Variants in WDR43 observed in about 807,000 individuals in gnomAD.
The protein encoded by WDR43 is WD repeat-containing protein 43.
Under a neutral mutation model 91.4 loss-of-function variants are expected in WDR43, and 13 were observed. The ratio of observed to expected loss-of-function variants is 0.14; its 90% confidence interval spans 0.09 to 0.23. WDR43 has a LOEUF of 0.23. WDR43 is among the 10% of genes least tolerant of loss of function. WDR43 has a pLI of 1.00. For synonymous variants in WDR43, 331 were observed against 287.9 expected, an observed-to-expected ratio of 1.15 and a Z score of -1.51; for missense variants, 780 against 809.4, an observed-to-expected ratio of 0.96 and a Z score of 0.44.
chr2:28,935,757 A>G (rs1411547049), intron 12 of WDR43, 150 bp downstream of exon 12: 1 of 411,368 alleles, frequency 2.4e-6, no homozygotes, highest in Non-Finnish European at 4.2e-6. Flanking sequence ...CAAAAAAAAA[A>G]AAAAAAAAAA....
rs1367752328 is a variant in WDR43, at chr2:28,939,088, GA to G, written c.1620+1095del. On this transcript the variant is annotated intron_variant, in intron 14 of 17. Transcript: ENST00000407426. ...GGAGGTGACCTGGGAGCACTGGTGA[GA>G]GGGGTTTTTGGGAGGTGACCTGGGA... is the stretch of plus-strand genomic sequence containing the variant. Among the ~76,000 whole-genome samples, 55 of 86,222 alleles carry G rather than the reference GA, an allele frequency of 6.4e-4. 1 individual carries two copies. The highest frequency in any genetic ancestry group is 1.9e-3 in the African/African-American group (50 of 26,490). 56.6% of individuals were successfully genotyped at this position (86,222 alleles called of 152,430 possible). A position where few individuals can be genotyped will look rare whatever the true frequency, so the allele number is the denominator to read the frequency against.
chr2:28,924,504 G>A (rs1004503016), intron 7 of WDR43, among the ~76,000 whole-genome samples: 1 of 152,168 alleles, frequency 6.6e-6, no homozygotes, highest in African/African-American at 2.4e-5. Context: ...TACAAGTTGG[G>A]AGTGCTGCAG....
intron 6 of WDR43, among the ~76,000 whole-genome samples, chr2:28,920,367 A>AGGTG (rs1671001517): frequency 6.6e-6 from 1 of 150,866 alleles, no homozygotes; most frequent in African/African-American, 2.4e-5. Context: ...CTGGGATTAC[A>AGGTG]GGTGCATATC....
chr2:28,927,525 G>C (rs776221544), intron 9 of WDR43, 44 bp from the exon 10 acceptor site: 1 of 1,606,818 alleles, frequency 6.2e-7, no homozygotes, highest in South Asian at 1.1e-5. Flanking sequence ...TAAGGACTAA[G>C]GTATGATTTC....
intron 10 of WDR43, 63 bp downstream of exon 10, chr2:28,927,763 C>CT: frequency 1.2e-6 from 2 of 1,604,612 alleles, no homozygotes; most frequent in Admixed American, 3.4e-5. Context: ...GAAATTCTAA[C>CT]AAGTGTGTTG....
At chr2:28,898,553 A>G (rs1670523972) in intron 1 of WDR43, among the ~76,000 whole-genome samples, 1 of 152,242 alleles carries the variant, frequency 6.6e-6, no homozygotes, top group Admixed American at 6.5e-5. Flanking sequence ...GCAGTGAGAT[A>G]GATGAAGAAA....
intron 6 of WDR43, among the ~76,000 whole-genome samples, chr2:28,922,521 T>C (rs1331197638): frequency 6.6e-6 from 1 of 152,096 alleles, no homozygotes; most frequent in African/African-American, 2.4e-5. Flanking sequence ...CCACTTACAT[T>C]GACCGGGGAT....
Position 28,894,713 on chromosome 2 carries a change from C to G in WDR43, c.15C>G (p.Gly5=), listed in dbSNP as rs567032292. The change falls in exon 1 of 18, where the codon GGC becomes GGG. Residue 5 remains glycine, a synonymous_variant. Transcript: ENST00000407426. ...CCAGAGCAGCAATGGCGGCGGGCGG[C>G]GGCGGTAGCTGCGACCCCCTGGCCC... MAAG[G]GGSCDPLAPA... 4.5e-6 allele frequency: 7 copies of G among 1,560,230 alleles called. No individual in the cohort carries two copies. Among genetic ancestry groups the G allele is most frequent in the East Asian group, 2.4e-5 (1 of 41,336 alleles).
intron 3 of WDR43, among the ~76,000 whole-genome samples, chr2:28,909,319 G>A (rs1381441231): frequency 6.6e-6 from 1 of 151,978 alleles, no homozygotes; most frequent in African/African-American, 2.4e-5. Flanking sequence ...TTTATTTTTA[G>A]TAGAGGTTTC....
At position 28,947,541 on chromosome 2, in the gene WDR43, A is replaced by T. The variant is rs1203642645; in HGVS notation, c.*762A>T. On this transcript the variant is annotated 3_prime_UTR_variant, in exon 18 of 18. Transcript: ENST00000407426. ...AGTGTATAGATTAGAAGTGCTCATT[A>T]CCTGCAACTTTTAAAAAAAATTCAG... 2 of 152,194 alleles carry T rather than the reference A, an allele frequency of 1.3e-5. No homozygotes were observed. The highest frequency in any genetic ancestry group is 2.9e-5 in the Non-Finnish European group (2 of 68,038). The allele number at this position is 152,194 out of a possible 1,614,324, so 9.4% of individuals were successfully genotyped here.
At chr2:28,934,060 A>G (rs994179621) in intron 11 of WDR43, among the ~76,000 whole-genome samples, 8 of 152,346 alleles carry the variant, frequency 5.3e-5, no homozygotes, top group African/African-American at 1.9e-4. Flanking sequence ...CCTAAACTGG[A>G]AAGAACACAT....
intron 5 of WDR43, among the ~76,000 whole-genome samples, chr2:28,914,646 T>C (rs997267446): frequency 2.0e-5 from 3 of 152,096 alleles, no homozygotes; most frequent in African/African-American, 7.2e-5. Context: ...AAAGTAAAAA[T>C]CAGGCCGGGT....
chr2:28,942,686 C>G (rs1319657688), intron 16 of WDR43, among the ~76,000 whole-genome samples: 1 of 149,226 alleles, frequency 6.7e-6, no homozygotes, highest in Non-Finnish European at 1.5e-5. Context: ...GTGATCACAG[C>G]TTGCTGCAGC....
chr2:28,938,507 A>G (rs1294945772), intron 14 of WDR43, among the ~76,000 whole-genome samples: 1 of 152,222 alleles, frequency 6.6e-6, no homozygotes, highest in East Asian at 1.9e-4. Flanking sequence ...TATTCATAAT[A>G]TGAGTTGGGT....
intron 1 of WDR43, among the ~76,000 whole-genome samples, chr2:28,896,187 A>G (rs921222759): frequency 2.6e-5 from 4 of 152,204 alleles, no homozygotes; most frequent in East Asian, 1.9e-4. Context: ...ACAGTCCTGT[A>G]AAGTGATAGT....
chr2:28,899,363 G>A (rs1463187818), intron 1 of WDR43, among the ~76,000 whole-genome samples: 1 of 152,118 alleles, frequency 6.6e-6, no homozygotes, highest in African/African-American at 2.4e-5. Flanking sequence ...TGGAGGAGGT[G>A]GTATTTGAGG....
chr2:28,913,110 C>T lies in WDR43; in HGVS notation c.606+400C>T, dbSNP rs950396887. Among the ~76,000 whole-genome samples the T allele has an allele frequency of 4.0e-5, 6 of 151,798 alleles. No individual in the cohort carries two copies. In the East Asian group the frequency reaches 9.7e-4, roughly 25 times the overall value. On this transcript the variant is annotated intron_variant, in intron 4 of 17. Coordinates refer to ENST00000407426, the MANE Select transcript of WDR43 (RefSeq NM_015131.3). ...CTGGGACTACAGGCGCCCGCCACCA[C>T]GCGTGGCTAATTTTTTGTATTTTTT... is the stretch of plus-strand genomic sequence containing the variant.
intron 1 of WDR43, chr2:28,895,676 C>T (rs1268976221): frequency 6.6e-6 from 1 of 152,190 alleles, no homozygotes; most frequent in East Asian, 1.9e-4. Flanking sequence ...TGAAATTACC[C>T]TTAGATGGAA....
rs1214316918 is a variant in WDR43 at position 28,946,714 on chromosome 2, G to T, written c.1969G>T (p.Ala657Ser). ...DEENGEDRDT[A>S]SEKELNGDSD... ...AGAAAATGGCGAGGACAGAGATACA[G>T]CAAGTGAAAAAGAATTAAATGGAGA... Residue 657 changes from alanine (A) to serine (S), a missense_variant, in exon 18 of 18, where the codon GCA becomes TCA. Physicochemically the swap from Ala to Ser is moderately conservative, Grantham distance 99. Coordinates refer to ENST00000407426, the MANE Select transcript of WDR43 (RefSeq NM_015131.3). 6.3e-7 allele frequency: 1 copy of T among 1,583,086 alleles called. No homozygotes were observed. Among genetic ancestry groups the T allele is most frequent in the South Asian group, 1.2e-5 (1 of 86,274 alleles).
Sources: allele counts gnomAD v4.1 joint callset (sites outside exome capture counted in the v4.1 genomes callset), GRCh38; gene constraint gnomAD v4.1.1; transcripts MANE v1.5; gene names NCBI Gene and HGNC (gene_info 2026-07-23, HGNC 2026-07-21).